The following FGD1 variants were observed in gnomAD, a reference collection of about 807,000 sequenced individuals.
FGD1 encodes FYVE, RhoGEF and PH domain containing 1.
Under a neutral mutation model 65.0 loss-of-function variants are expected in FGD1, and 12 were observed. The ratio of observed to expected loss-of-function variants is 0.18; its 90% CI spans 0.12 to 0.30. The LOEUF (loss-of-function observed/expected upper bound fraction) is 0.30. Ranked by LOEUF, FGD1 falls within the 10% of genes least tolerant of loss-of-function variation. The pLI is 1.00. For synonymous variants in FGD1, 333 were observed against 343.9 expected (o/e 0.97, Z 0.35); for missense variants, 542 against 837.6 (o/e 0.65, Z 4.36).
At chrX:54,448,311 C>G (rs1270670594) in intron 16 of FGD1, among the ~76,000 whole-genome samples, 1 of 110,605 alleles carries the variant, frequency 9.0e-6, no homozygotes, top group East Asian at 2.8e-4. Context: ...TCAGCCCTCC[C>G]AAGTAGCTGG....
chrX:54,476,691 T>TCACACC (rs1257716853), intron 1 of FGD1, among the ~76,000 whole-genome samples: 1 of 109,305 alleles, frequency 9.1e-6, no homozygotes, highest in Non-Finnish European at 1.9e-5. Flanking sequence ...CACAACATTA[T>TCACACC]CACACCCACA....
intron 8 of FGD1, among the ~76,000 whole-genome samples, chrX:54,461,464 G>A (rs898702748): frequency 6.5e-5 from 7 of 107,271 alleles, no homozygotes; most frequent in African/African-American, 1.7e-4. Context: ...AGCCGGGCGC[G>A]GTGGTGGGTG....
chrX:54,495,211 G>A lies in FGD1; in HGVS notation c.222C>T (p.His74=). 2 of 1,190,403 alleles carry A rather than the reference G, an allele frequency of 1.7e-6. No homozygotes were observed. The highest frequency in any genetic ancestry group is 2.3e-6 in the Non-Finnish European group (2 of 885,437). ...GACTGGGACCGCAGGGCAAGACCCG[G>A]TGGCCTGGAGCAGCGCCCAGGCTGG... ...SDTSLGAAPG[H]RVLPCGPSPQ... Residue 74 remains histidine (H), a synonymous_variant, in exon 1 of 18, where the codon CAC becomes CAT. Transcript: ENST00000375135.
At chrX:54,482,502 T>C (rs1923173461) in intron 1 of FGD1, among the ~76,000 whole-genome samples, 1 of 111,234 alleles carries the variant, frequency 9.0e-6, no homozygotes, top group African/African-American at 3.3e-5. Flanking sequence ...GGAGCAGTAA[T>C]TACCAGATGC....
Position 54,459,217 on chromosome X carries a change from C to T in FGD1, c.1637-2650G>A, listed in dbSNP as rs150166729. 7.1e-4 allele frequency among the ~76,000 whole-genome samples: 79 copies of T among 111,904 alleles called. 1 individual carries two copies. In the East Asian group the frequency reaches 0.016, roughly 22 times the overall value. ...GCTCTGACTGGAGGCTTTGTTACAA[C>T]GAGCTCTGTCTGGAGATGTCTCATG... On this transcript the variant is annotated intron_variant, in intron 8 of 17. Coordinates refer to ENST00000375135, the MANE Select transcript of FGD1 (RefSeq NM_004463.3).
chrX:54,466,359 C>A (rs1211001678), intron 6 of FGD1, among the ~76,000 whole-genome samples: 7 of 111,837 alleles, frequency 6.3e-5, no homozygotes, highest in Non-Finnish European at 1.3e-4. Flanking sequence ...AGGCTTCATG[C>A]TGGCTTTCTG....
At position 54,445,843 on chromosome X, in the gene FGD1, T is replaced by C. The variant is rs1292676757; in HGVS notation, c.*266A>G. The C allele has an allele frequency of 1.1e-5, 4 of 354,840 alleles. No homozygotes were observed. Among genetic ancestry groups the C allele is most frequent in the East Asian group, 5.1e-5 (1 of 19,785 alleles). The allele number at this position is 354,840 out of a possible 1,213,427, so 29.2% of individuals were successfully genotyped here. On this transcript the variant is annotated 3_prime_UTR_variant, in exon 18 of 18. Coordinates refer to ENST00000375135, the MANE Select transcript of FGD1 (RefSeq NM_004463.3). ...TGAGGGATGAGGGAGAAAAACGACC[T>C]AATTCAGGTAGGACTGGCAACGGCT...
rs200074014 is a variant in FGD1, at chrX:54,467,953, A to G, written c.1192-21T>C. On this transcript the variant is annotated intron_variant, in intron 5 of 17. Transcript: ENST00000375135. ...AACACCTGTGGGGCAGGGCAGAAGC[A>G]CTCAGCCCAGCTGGGCCTGGGGCTT... The G allele has an allele frequency of 6.2e-5, 73 of 1,168,482 alleles. No homozygotes were observed. In the East Asian group the frequency reaches 2.2e-3, roughly 35 times the overall value.
chrX:54,490,223 C>G (rs2147446357), intron 1 of FGD1, among the ~76,000 whole-genome samples: 1 of 111,359 alleles, frequency 9.0e-6, no homozygotes. Flanking sequence ...GAAAAACTAC[C>G]TATCGGGTAC....
intron 1 of FGD1, among the ~76,000 whole-genome samples, chrX:54,489,560 G>C (rs1006944222): frequency 9.1e-6 from 1 of 110,378 alleles, no homozygotes; most frequent in Non-Finnish European, 1.9e-5. Context: ...ACTCCAGCCT[G>C]GGTGACAGAG....
intron 8 of FGD1, among the ~76,000 whole-genome samples, chrX:54,463,144 C>G (rs376969188): frequency 7.2e-5 from 8 of 111,212 alleles, no homozygotes; most frequent in African/African-American, 2.6e-4. Flanking sequence ...TCCTTTTACA[C>G]TCACTCCCTT....
chrX:54,450,679 G>A (rs1477375676), intron 12 of FGD1, among the ~76,000 whole-genome samples: 2 of 111,260 alleles, frequency 1.8e-5, no homozygotes, highest in Non-Finnish European at 3.8e-5. Context: ...TTTCAAGGAG[G>A]TGCTAGGCCT....
At chrX:54,467,010 G>A (rs1253111800) in intron 6 of FGD1, among the ~76,000 whole-genome samples, 9 of 111,130 alleles carry the variant, frequency 8.1e-5, no homozygotes, top group Non-Finnish European at 1.5e-4. Context: ...CGGCCTCCCA[G>A]AGTGCTGGGA....
chrX:54,487,161 G>A (rs757622998), intron 1 of FGD1, among the ~76,000 whole-genome samples: 30 of 109,404 alleles, frequency 2.7e-4, no homozygotes, highest in African/African-American at 9.9e-4. Flanking sequence ...GTGAGCCACC[G>A]TGCCCAGCCC....
intron 1 of FGD1, among the ~76,000 whole-genome samples, chrX:54,493,628 G>C (rs1923462659): frequency 8.9e-6 from 1 of 111,858 alleles, no homozygotes; most frequent in Non-Finnish European, 1.9e-5. Context: ...TCCTGGGGTG[G>C]GAGTGCTTGT....
chrX:54,461,151 C>A (rs983259660), intron 8 of FGD1, among the ~76,000 whole-genome samples: 36 of 111,070 alleles, frequency 3.2e-4, no homozygotes, highest in African/African-American at 1.2e-3. Flanking sequence ...CGTTGGGGAT[C>A]CAGTGTGAAA....
intron 1 of FGD1, among the ~76,000 whole-genome samples, chrX:54,472,029 G>A (rs1922905872): frequency 8.9e-6 from 1 of 111,820 alleles, no homozygotes; most frequent in South Asian, 3.7e-4. Context: ...TGTAATCCCA[G>A]CATTTTGGGA....
chrX:54,475,110 C>A (rs1283239660), intron 1 of FGD1, among the ~76,000 whole-genome samples: 1 of 112,394 alleles, frequency 8.9e-6, no homozygotes, highest in Non-Finnish European at 1.9e-5. Flanking sequence ...TCTCACCTGA[C>A]AGCCCACAGA....
chrX:54,470,405 G>A lies in FGD1; in HGVS notation c.712C>T (p.Pro238Ser), dbSNP rs1216290903. Residue 238 changes from proline to serine, a missense_variant, in exon 4 of 18, where the codon CCC becomes TCC. Transcript: ENST00000375135. ...DRPVPGPSPG[P>S]PEPVMLPQPT... Reference sequence around the variant, plus strand: ...TGTGGCAACATGACTGGCTCTGGGGGACCTGGGCTGGGGCCAGGGACTGGT... The same window carrying A: ...TGTGGCAACATGACTGGCTCTGGGGAACCTGGGCTGGGGCCAGGGACTGGT... 2 of 1,209,167 alleles carry A rather than the reference G, an allele frequency of 1.7e-6. No homozygotes were observed. The highest frequency in any genetic ancestry group is 2.2e-6 in the Non-Finnish European group (2 of 895,153).
Sources: allele counts gnomAD v4.1 joint callset (sites outside exome capture counted in the v4.1 genomes callset), GRCh38; gene constraint gnomAD v4.1.1; transcripts MANE v1.5; gene names NCBI Gene and HGNC (gene_info 2026-07-23, HGNC 2026-07-21).